PDGFRA: variants seen among roughly 807,000 people sequenced by gnomAD.
The protein encoded by PDGFRA is platelet-derived growth factor receptor alpha.
Under a neutral mutation model 121.5 loss-of-function variants are expected in PDGFRA, and 25 were observed. The observed-to-expected ratio is 0.21, with a 90% CI of 0.15 to 0.29. The LOEUF (loss-of-function observed/expected upper bound fraction) is 0.29. Among genes scored for constraint, PDGFRA ranks in the 10% least tolerant of loss-of-function variants. The pLI is 1.00. For missense variants in PDGFRA, 1,008 were observed against 1,345.1 expected (o/e 0.75, Z 3.92); for synonymous variants, 463 against 494.8 (o/e 0.94, Z 0.85).
At position 54,286,039 on chromosome 4, in the gene PDGFRA, A is replaced by G; in HGVS notation, c.2562+76A>G. The G allele has an allele frequency of 2.1e-6, 3 of 1,450,400 alleles. No individual in the cohort carries two copies. The Admixed American group carries it at 5.0e-5, about 24-fold the overall frequency. The allele number at this position is 1,450,400 out of a possible 1,614,324, so 89.8% of individuals were successfully genotyped here. Reference sequence around the variant, plus strand: ...CTCTAAAGTCAGGTGTTGCTTCTAGAGATTCGGTGCCTGTTTTTTAAAACA... The same window carrying G: ...CTCTAAAGTCAGGTGTTGCTTCTAGGGATTCGGTGCCTGTTTTTTAAAACA... On this transcript the variant is annotated intron_variant, in intron 18 of 22. Coordinates refer to ENST00000257290, the MANE Select transcript of PDGFRA (RefSeq NM_006206.6).
intron 1 of PDGFRA, among the ~76,000 whole-genome samples, chr4:54,253,226 ATAT>A (rs557298478): frequency 2.2e-4 from 34 of 152,194 alleles, no homozygotes; most frequent in Non-Finnish European, 3.7e-4. Flanking sequence ...TCATTCTGAA[ATAT>A]TATGGGAGTC....
chr4:54,263,861 A>G lies in PDGFRA; in HGVS notation c.562A>G (p.Ile188Val), dbSNP rs780359954. The change falls in exon 4 of 23, where the codon ATC becomes GTC. Residue 188 changes from isoleucine to valine, a missense_variant. By Grantham distance (29) the Ile-to-Val change is conservative. This residue lies in a region of PDGFRA where 575 missense variants were observed against 701.8 expected (regional missense o/e 0.82). Transcript: ENST00000257290. ...FNGTFTVGPY[I>V]CEATVKGKKF... The stretch of plus-strand genomic sequence containing the variant: ...TGGGACCTTCACTGTAGGGCCCTAT[A>G]TCTGTGAGGCCACCGTCAAAGGAAA... 2 of 1,613,928 alleles carry G rather than the reference A, an allele frequency of 1.2e-6. No individual in the cohort carries two copies. Among genetic ancestry groups the G allele is most frequent in the Non-Finnish European group, 1.7e-6 (2 of 1,179,972 alleles).
At chr4:54,247,290 C>A (rs934635717) in intron 1 of PDGFRA, among the ~76,000 whole-genome samples, 2 of 152,168 alleles carry the variant, frequency 1.3e-5, no homozygotes, top group African/African-American at 2.4e-5. Context: ...AGACCAATAT[C>A]CTTGGTGAAC....
In PDGFRA at chr4:54,267,776, T is replaced by A. The variant is rs530577459; in HGVS notation, c.1121+35T>A. ...CTCTCTGCCCAAGTATGCCTTTTTT[T>A]AGTGTGCATCAGAGGCGGACTGAGG... On this transcript the variant is annotated intron_variant, in intron 7 of 22. Transcript: ENST00000257290. The A allele has an allele frequency of 1.6e-3, 2,476 of 1,573,772 alleles. 35 individuals carry two copies. The African/African-American group carries it at 0.027, about 17-fold the overall frequency.
At chr4:54,258,639 C>G (rs541600633) in intron 1 of PDGFRA, 118 bp from the exon 2 acceptor site, 3 of 770,108 alleles carry the variant, frequency 3.9e-6, no homozygotes, top group Non-Finnish European at 7.1e-6. Context: ...TAACCTGGGA[C>G]ATGTTTGACT....
At chr4:54,275,297 A>G (rs1404849098) in intron 12 of PDGFRA, among the ~76,000 whole-genome samples, 1 of 152,236 alleles carries the variant, frequency 6.6e-6, no homozygotes, top group Admixed American at 6.5e-5. Context: ...TTCTGTGACT[A>G]AAAATGAGCA....
chr4:54,272,013 C>A (rs1410420156), intron 8 of PDGFRA, among the ~76,000 whole-genome samples: 1 of 98,794 alleles, frequency 1.0e-5, no homozygotes, highest in African/African-American at 4.0e-5. Context: ...CCTCCCCTCC[C>A]CTTCCCTTCC....
At chr4:54,294,736 C>T (rs946226465) in intron 22 of PDGFRA, among the ~76,000 whole-genome samples, 3 of 152,108 alleles carry the variant, frequency 2.0e-5, no homozygotes, top group Admixed American at 6.5e-5. Flanking sequence ...AGGAGGCTTC[C>T]GGGAGAGCAC....
intron 15 of PDGFRA, among the ~76,000 whole-genome samples, chr4:54,279,902 T>TTTTATA (rs149107926): frequency 6.8e-6 from 1 of 147,606 alleles, no homozygotes; most frequent in Non-Finnish European, 1.5e-5. Context: ...TATAGCTGAG[T>TTTTATA]TACATATATA....
chr4:54,233,721 G>C (rs1165550630), intron 1 of PDGFRA, among the ~76,000 whole-genome samples: 1 of 152,210 alleles, frequency 6.6e-6, no homozygotes, highest in Non-Finnish European at 1.5e-5. Flanking sequence ...ATTCAATGTG[G>C]GAGAAGCAGG....
At chr4:54,246,329 T>C (rs991336461) in intron 1 of PDGFRA, among the ~76,000 whole-genome samples, 81 of 152,164 alleles carry the variant, frequency 5.3e-4, no homozygotes, top group Non-Finnish European at 9.0e-4. Flanking sequence ...AAAGCACTCC[T>C]CAGCAAATGT....
intron 10 of PDGFRA, 82 bp from the exon 11 acceptor site, chr4:54,274,449 C>T: frequency 1.0e-6 from 1 of 996,196 alleles, no homozygotes; most frequent in Non-Finnish European, 1.6e-6. Context: ...ATTCCTGGCT[C>T]AGACACAGCC....
chr4:54,237,892 A>G (rs1052254186), intron 1 of PDGFRA, among the ~76,000 whole-genome samples: 6 of 152,238 alleles, frequency 3.9e-5, no homozygotes. Flanking sequence ...GAGAGAGACC[A>G]TATGGTGAAG....
intron 1 of PDGFRA, among the ~76,000 whole-genome samples, chr4:54,247,001 C>T (rs894512956): frequency 5.3e-5 from 8 of 152,184 alleles, no homozygotes; most frequent in African/African-American, 9.7e-5. Context: ...CACATACACC[C>T]TCCCAAGACT....
chr4:54,248,489 G>A (rs1458443941), intron 1 of PDGFRA, among the ~76,000 whole-genome samples: 5 of 152,194 alleles, frequency 3.3e-5, no homozygotes, highest in Admixed American at 2.6e-4. Context: ...TTAATAAATG[G>A]TGCTGGGAAA....
chr4:54,273,081 G>A (rs1476932568), intron 9 of PDGFRA, among the ~76,000 whole-genome samples: 2 of 152,154 alleles, frequency 1.3e-5, no homozygotes, highest in African/African-American at 2.4e-5. Flanking sequence ...AGATTCCAGT[G>A]TGGAGCAGGA....
intron 15 of PDGFRA, 69 bp from the exon 16 acceptor site, chr4:54,280,247 A>G (rs1189673263): frequency 5.4e-6 from 2 of 368,036 alleles, no homozygotes; most frequent in East Asian, 6.7e-5. Context: ...CATAATCATC[A>G]TCTACTGAAA....
At chr4:54,291,255 T>G (rs1299222546) in intron 22 of PDGFRA, among the ~76,000 whole-genome samples, 1 of 152,192 alleles carries the variant, frequency 6.6e-6, no homozygotes. Context: ...AAGCAAATCC[T>G]AGACACCTTA....
intron 1 of PDGFRA, among the ~76,000 whole-genome samples, chr4:54,233,756 G>A (rs1363583292): frequency 6.6e-6 from 1 of 152,242 alleles, no homozygotes; most frequent in Non-Finnish European, 1.5e-5. Context: ...GACGGGTCCC[G>A]TGCGTTCTTG....
Sources: allele counts gnomAD v4.1 joint callset (sites outside exome capture counted in the v4.1 genomes callset), GRCh38; gene constraint gnomAD v4.1.1; regional missense constraint gnomAD v4.1.1; transcripts MANE v1.5; gene names NCBI Gene and HGNC (gene_info 2026-07-23, HGNC 2026-07-21).